The following VIPR2 variants were observed in gnomAD, a reference collection of about 807,000 sequenced individuals.
VIPR2 encodes vasoactive intestinal polypeptide receptor 2.
Under a neutral mutation model 58.0 loss-of-function variants are expected in VIPR2, and 48 were observed. The ratio of observed to expected loss-of-function variants is 0.83; its 90% CI spans 0.66 to 1.05. The LOEUF (loss-of-function observed/expected upper bound fraction) is 1.05. Ranked by LOEUF, VIPR2 falls within the 50% of genes least tolerant of loss-of-function variation. VIPR2 has a pLI of 0.00. For missense variants in VIPR2, 534 were observed against 558.0 expected (o/e 0.96, Z 0.43); for synonymous variants, 243 against 235.2 (o/e 1.03, Z -0.30).
At chr7:159,077,042 T>TCCA in intron 4 of VIPR2, among the ~76,000 whole-genome samples, 1 of 152,362 alleles carries the variant, frequency 6.6e-6, no homozygotes, top group African/African-American at 2.4e-5. Context: ...CCTTTGGTTA[T>TCCA]CACCAAAACT....
intron 10 of VIPR2, among the ~76,000 whole-genome samples, chr7:159,033,390 C>G (rs1449004724): frequency 1.3e-5 from 2 of 152,236 alleles, no homozygotes; most frequent in African/African-American, 4.8e-5. Context: ...CTTCCACCCC[C>G]GGTCAGTCTG....
At chr7:159,091,856 AG>A (rs1228412553) in intron 4 of VIPR2, among the ~76,000 whole-genome samples, 1 of 152,222 alleles carries the variant, frequency 6.6e-6, no homozygotes, top group Non-Finnish European at 1.5e-5. Flanking sequence ...GGCCAGGGGC[AG>A]GGGCTCATGC....
At position 159,031,267 on chromosome 7, in the gene VIPR2, G is replaced by T. The variant is rs2129492685; in HGVS notation, c.1144-478C>A. Among the ~76,000 whole-genome samples, 1 of 152,156 alleles carries T rather than the reference G, an allele frequency of 6.6e-6. No homozygotes were observed. Among genetic ancestry groups the T allele is most frequent in the African/African-American group, 2.4e-5 (1 of 41,514 alleles). On this transcript the variant is annotated intron_variant, in intron 12 of 12. Transcript: ENST00000262178. The surrounding 1 kb of genome is among the most constrained non-coding windows in gnomAD (Gnocchi z 4.0). The stretch of plus-strand genomic sequence containing the variant: ...TCGGGCTCAGCTTTGCAGAAGCCGT[G>T]CTGGTGAAAGCTGCATGTCAAGCAA...
At position 159,099,866 on chromosome 7, in the gene VIPR2, C is replaced by G. The variant is rs1036993446; in HGVS notation, c.357+3891G>C. 6.6e-5 allele frequency among the ~76,000 whole-genome samples: 10 copies of G among 152,138 alleles called. No individual in the cohort carries two copies. The highest frequency in any genetic ancestry group is 1.3e-4 in the Non-Finnish European group (9 of 68,008). On this transcript the variant is annotated intron_variant, in intron 4 of 12. Coordinates refer to ENST00000262178, the MANE Select transcript of VIPR2 (RefSeq NM_003382.5). This position sits in a 1 kb window ranked among gnomAD's most constrained non-coding sequence, Gnocchi z 4.2. ...TTATCACTGCTGTGATCTCACACAC[C>G]AGAGCCGCTGTCAGCCATGGTGTGT...
At chr7:159,105,915 C>T (rs1048817201) in intron 3 of VIPR2, among the ~76,000 whole-genome samples, 1 of 152,196 alleles carries the variant, frequency 6.6e-6, no homozygotes, top group Non-Finnish European at 1.5e-5. Flanking sequence ...CTCACTGAGC[C>T]CTCAGGAATG....
intron 5 of VIPR2, among the ~76,000 whole-genome samples, chr7:159,048,138 T>C (rs1413649985): frequency 2.6e-5 from 4 of 151,950 alleles, no homozygotes; most frequent in Middle Eastern, 3.4e-3. Context: ...AAAAATACCA[T>C]ATAAATTTGA....
At chr7:159,035,191 C>T (rs1853853137) in intron 8 of VIPR2, among the ~76,000 whole-genome samples, 1 of 152,208 alleles carries the variant, frequency 6.6e-6, no homozygotes, top group Non-Finnish European at 1.5e-5. Context: ...TGGAAGTCTG[C>T]AGCCCTCCCA....
intron 4 of VIPR2, among the ~76,000 whole-genome samples, chr7:159,102,966 G>A (rs57176610): frequency 0.011 from 1,674 of 152,312 alleles, 35 homozygotes; most frequent in African/African-American, 0.038. Context: ...CAGGGCTGCC[G>A]GCAAGGATGG....
intron 4 of VIPR2, among the ~76,000 whole-genome samples, chr7:159,084,140 C>T (rs1585444388): frequency 6.6e-6 from 1 of 152,390 alleles, no homozygotes; most frequent in East Asian, 1.9e-4. Flanking sequence ...AGCAAAGCCG[C>T]ATCAGTACTC....
At position 159,109,908 on chromosome 7, in the gene VIPR2, C is replaced by T. The variant is rs371596513; in HGVS notation, c.163G>A (p.Val55Ile). The part of the protein sequence containing the change: ...QTEKHKACSG[V>I]WDNITCWRPA... Reference sequence around the variant, plus strand: ...CGCCAGCACGTGATGTTGTCCCAGACGCCACTGCAGGCTGGAAGGAGAGAA... The same window carrying T: ...CGCCAGCACGTGATGTTGTCCCAGATGCCACTGCAGGCTGGAAGGAGAGAA... Residue 55 changes from valine (V) to isoleucine (I), a missense_variant, in exon 3 of 13, where the codon GTC (valine) becomes ATC (isoleucine). Physicochemically the swap from Val to Ile is conservative, Grantham distance 29. Coordinates refer to ENST00000262178, the MANE Select transcript of VIPR2 (RefSeq NM_003382.5). 1.6e-4 allele frequency: 252 copies of T among 1,613,738 alleles called. 1 individual carries two copies. In the Admixed American group the frequency reaches 3.8e-3, roughly 24 times the overall value.
chr7:159,143,943 C>A (rs1797579639), intron 1 of VIPR2, among the ~76,000 whole-genome samples: 1 of 152,222 alleles, frequency 6.6e-6, no homozygotes, highest in Non-Finnish European at 1.5e-5. Flanking sequence ...GACCGGGCGT[C>A]GCCGGTTAAT....
At chr7:159,061,364 G>C (rs912661294) in intron 4 of VIPR2, among the ~76,000 whole-genome samples, 12 of 137,816 alleles carry the variant, frequency 8.7e-5, no homozygotes, top group Admixed American at 7.8e-4. Flanking sequence ...AAAAAAAAAG[G>C]CTGGGCTTGG....
rs1164334300 is a variant in VIPR2, at chr7:159,098,236, G to A, written c.357+5521C>T. 6.6e-6 allele frequency among the ~76,000 whole-genome samples: 1 copy of A among 152,178 alleles called. No individual in the cohort carries two copies. Among genetic ancestry groups the A allele is most frequent in the African/African-American group, 2.4e-5 (1 of 41,456 alleles). On this transcript the variant is annotated intron_variant, in intron 4 of 12. Transcript: ENST00000262178. This position sits in a 1 kb window ranked among gnomAD's most constrained non-coding sequence, Gnocchi z 5.2. ...GCCGGGTGGTCGGGCCCCAGCACAC[G>A]GCTCGGGGAGCCTCCCACACTTGGT...
chr7:159,117,236 T>C, intron 2 of VIPR2: 1 of 699,358 alleles, frequency 1.4e-6, no homozygotes, highest in Admixed American at 2.1e-5. Flanking sequence ...TCAGACTGCA[T>C]GGGACTTGCT....
chr7:159,036,772 G>A lies in VIPR2; in HGVS notation c.728C>T (p.Ala243Val). The A allele has an allele frequency of 1.2e-6, 2 of 1,613,630 alleles. No homozygotes were observed. Among genetic ancestry groups the A allele is most frequent in the Non-Finnish European group, 1.7e-6 (2 of 1,179,842 alleles). ...CTTACCCCATCCGATCAGGAGGTAG[G>A]CCAGGAAGCACCTTCTAGGGGGGAG... ...AMLPPRRCFL[A>V]YLLIGWGLPT... Residue 243 changes from alanine to valine, a missense_variant, in exon 7 of 13, where the codon GCC becomes GTC. By Grantham distance (64) the Ala-to-Val change is moderately conservative. Coordinates refer to ENST00000262178, the MANE Select transcript of VIPR2 (RefSeq NM_003382.5).
chr7:159,139,869 G>C (rs1222215594), intron 2 of VIPR2, among the ~76,000 whole-genome samples: 1 of 152,274 alleles, frequency 6.6e-6, no homozygotes, highest in Non-Finnish European at 1.5e-5. Context: ...CCTTCCACCT[G>C]CGAGTTGGCA....
rs191985337 is a variant in VIPR2, at chr7:159,030,551, C to T, written c.*65G>A. On this transcript the variant is annotated 3_prime_UTR_variant, in exon 13 of 13. Transcript: ENST00000262178. ...CGGGCATCTGGAAGGAGGAAGCCGG[C>T]GTCTCAGCCCCGCAGAAGCCCCGAA... 1.6e-5 allele frequency: 23 copies of T among 1,457,408 alleles called. No homozygotes were observed. The highest frequency in any genetic ancestry group is 2.5e-4 in the Middle Eastern group (1 of 3,926). The allele number at this position is 1,457,408 out of a possible 1,614,324, so 90.3% of individuals were successfully genotyped here.
At position 159,031,628 on chromosome 7, in the gene VIPR2, G is replaced by A; in HGVS notation, c.1143+200C>T. ...TTAGGGTGGACGGAAGGACGGCGGGGTTTGGAAGCTGGGCCCAGAAGAGTG... is the reference window on the plus strand; with the variant it reads ...TTAGGGTGGACGGAAGGACGGCGGGATTTGGAAGCTGGGCCCAGAAGAGTG... On this transcript the variant is annotated intron_variant, in intron 12 of 12. Transcript: ENST00000262178. The surrounding 1 kb of genome is among the most constrained non-coding windows in gnomAD (Gnocchi z 4.0). 4 of 985,450 alleles carry A rather than the reference G, an allele frequency of 4.1e-6. No individual in the cohort carries two copies. Among genetic ancestry groups the A allele is most frequent in the Non-Finnish European group, 4.8e-6 (4 of 829,932 alleles). 61.0% of individuals were successfully genotyped at this position (985,450 alleles called of 1,614,324 possible).
At chr7:159,043,228 GGAGA>G (rs1854455414) in intron 5 of VIPR2, 52 bp from the exon 6 acceptor site, 2 of 1,320,634 alleles carry the variant, frequency 1.5e-6, no homozygotes, top group Non-Finnish European at 2.1e-6. Context: ...GGGGAGGGAG[GGAGA>G]GAGAACCAGA....
Sources: gnomAD v4.1 joint callset for allele counts (sites outside exome capture counted in the v4.1 genomes callset) on GRCh38, gnomAD v4.1.1 for gene constraint, Gnocchi (gnomAD v3.1) non-coding constraint, MANE v1.5 for transcripts, NCBI Gene and HGNC (gene_info 2026-07-23, HGNC 2026-07-21) for gene names.